Variants in RPS6KA2 observed in about 807,000 individuals in gnomAD.
RPS6KA2 encodes ribosomal protein S6 kinase A2, also known as ribosomal protein S6 kinase alpha-2.
A neutral mutation model predicts 91.8 loss-of-function variants in RPS6KA2; 42 were observed. The observed-to-expected ratio is 0.46, with a 90% CI of 0.36 to 0.59. RPS6KA2 has a LOEUF of 0.59. RPS6KA2 is among the 20% of genes least tolerant of loss of function. The pLI is 0.00. For synonymous variants in RPS6KA2, 414 were observed against 393.6 expected (o/e 1.05, Z -0.61); for missense variants, 798 against 978.5 (o/e 0.82, Z 2.46).
At chr6:166,624,937 G>T (rs1203268603) in intron 1 of RPS6KA2, among the ~76,000 whole-genome samples, 1 of 152,004 alleles carries the variant, frequency 6.6e-6, no homozygotes, top group African/African-American at 2.4e-5. Flanking sequence ...TGGTTCAAGC[G>T]ATTCTCCTGC....
chr6:166,778,955 C>A (rs1227335418), intron 2 of RPS6KA2, among the ~76,000 whole-genome samples: 5 of 152,234 alleles, frequency 3.3e-5, no homozygotes, highest in Non-Finnish European at 7.3e-5. Context: ...CAGCATTCAG[C>A]TGCTTTGGAG....
chr6:166,715,145 G>T (rs186251902), intron 2 of RPS6KA2, among the ~76,000 whole-genome samples: 1 of 152,248 alleles, frequency 6.6e-6, no homozygotes, highest in Non-Finnish European at 1.5e-5. Context: ...AGGCCCCAGA[G>T]ACTGCAGAGC....
rs948529157 is a variant in RPS6KA2 at position 166,437,464 on chromosome 6, T to C, written c.1333-4974A>G. Among the ~76,000 whole-genome samples the C allele has an allele frequency of 1.3e-5, 2 of 152,186 alleles. No individual in the cohort carries two copies. Among genetic ancestry groups the C allele is most frequent in the African/African-American group, 4.8e-5 (2 of 41,444 alleles). On this transcript the variant is annotated intron_variant, in intron 14 of 20. Coordinates refer to ENST00000265678, the MANE Select transcript of RPS6KA2 (RefSeq NM_021135.6). This position sits in a 1 kb window ranked among gnomAD's most constrained non-coding sequence, Gnocchi z 4.3. ...GCGCCACGGAGTAGGAGTGGTGTCG[T>C]GGGGCGGGGGACAAGCTCGCTCAGC... is the stretch of plus-strand genomic sequence containing the variant.
intron 1 of RPS6KA2, among the ~76,000 whole-genome samples, chr6:166,559,982 A>T (rs894999569): frequency 6.6e-6 from 1 of 152,224 alleles, no homozygotes; most frequent in South Asian, 2.1e-4. Context: ...AGGAAAACAT[A>T]CACATGTGAA....
At chr6:166,833,678 T>G (rs1341727009) in intron 2 of RPS6KA2, among the ~76,000 whole-genome samples, 1 of 152,190 alleles carries the variant, frequency 6.6e-6, no homozygotes, top group Non-Finnish European at 1.5e-5. Flanking sequence ...GTACTTGTGT[T>G]GCTGCAGTCA....
chr6:166,618,526 G>A (rs1005310273), intron 1 of RPS6KA2, among the ~76,000 whole-genome samples: 20 of 152,316 alleles, frequency 1.3e-4, no homozygotes, highest in African/African-American at 3.8e-4. Flanking sequence ...GGAGGTCAGC[G>A]TGGGCAGGGG....
At chr6:166,566,163 G>C (rs1160667039) in intron 1 of RPS6KA2, among the ~76,000 whole-genome samples, 1 of 152,210 alleles carries the variant, frequency 6.6e-6, no homozygotes, top group African/African-American at 2.4e-5. Context: ...CTACTCCCGG[G>C]CTCCTGGGAC....
chr6:166,753,160 C>T (rs532593847), intron 2 of RPS6KA2, among the ~76,000 whole-genome samples: 1 of 152,276 alleles, frequency 6.6e-6, no homozygotes, highest in South Asian at 2.1e-4. Context: ...AGATGTAGGG[C>T]TCCATCTATC....
rs117864642 is a variant in RPS6KA2 at position 166,668,112 on chromosome 6, G to A, written c.124-129328C>T. 2.0e-5 allele frequency among the ~76,000 whole-genome samples: 3 copies of A among 152,354 alleles called. No homozygotes were observed. In the East Asian group the frequency reaches 5.8e-4, roughly 29 times the overall value. ...ACAATGCCAGGTTCCTGGAGAGCTG[G>A]AGTGACACAAACGAGCAGGAACAGG... On this transcript the variant is annotated intron_variant, in intron 2 of 21. Coordinates refer to the RPS6KA2 transcript ENST00000503859.
intron 2 of RPS6KA2, among the ~76,000 whole-genome samples, chr6:166,831,490 C>A (rs151022562): frequency 2.6e-5 from 4 of 152,004 alleles, no homozygotes; most frequent in Non-Finnish European, 5.9e-5. Flanking sequence ...GCTGTAAGGG[C>A]AGTGAGGACC....
chr6:166,517,450 GTTTTGTTTTTTTTTTTTT>G (rs1782686903), intron 3 of RPS6KA2, among the ~76,000 whole-genome samples: 2 of 83,800 alleles, frequency 2.4e-5, no homozygotes, highest in African/African-American at 1.3e-4. Flanking sequence ...GCGTTCTTTT[GTTTTGTTTTTTTTTTTTT>G]TTTTTTTTTT....
At chr6:166,761,918 G>T (rs2128603374) in intron 2 of RPS6KA2, among the ~76,000 whole-genome samples, 1 of 152,320 alleles carries the variant, frequency 6.6e-6, no homozygotes, top group East Asian at 1.9e-4. Flanking sequence ...CGAGAACAAA[G>T]AGCCCAGGGA....
At chr6:166,773,830 C>T (rs976230328) in intron 2 of RPS6KA2, among the ~76,000 whole-genome samples, 1 of 152,152 alleles carries the variant, frequency 6.6e-6, no homozygotes, top group Non-Finnish European at 1.5e-5. Flanking sequence ...AAAAAAACTA[C>T]CGTTGAGATG....
chr6:166,482,024 C>T (rs992425804), intron 10 of RPS6KA2, among the ~76,000 whole-genome samples: 3 of 142,378 alleles, frequency 2.1e-5, no homozygotes, highest in East Asian at 2.1e-4. Context: ...TGTGCTGCAG[C>T]TTGGAGAGCT....
At chr6:166,826,633 G>C (rs539667371) in intron 2 of RPS6KA2, among the ~76,000 whole-genome samples, 42 of 152,310 alleles carry the variant, frequency 2.8e-4, no homozygotes, top group African/African-American at 9.4e-4. Flanking sequence ...CCTGAATTAA[G>C]CTAGGCTTAC....
chr6:166,476,138 C>G (rs533935396), intron 10 of RPS6KA2, among the ~76,000 whole-genome samples: 1 of 152,138 alleles, frequency 6.6e-6, no homozygotes. Flanking sequence ...CAGACCCACA[C>G]GGAGGAGAAG....
chr6:166,533,339 G>A lies in RPS6KA2; in HGVS notation c.217-2026C>T, dbSNP rs1049335741. On this transcript the variant is annotated intron_variant, in intron 2 of 20. Coordinates refer to ENST00000265678, the MANE Select transcript of RPS6KA2 (RefSeq NM_021135.6). This position sits in a 1 kb window ranked among gnomAD's most constrained non-coding sequence, Gnocchi z 4.0. ...AGGACAGTGCAGGGAGGAGGCAGGCGCAGCCCAGGAGTCCAGGAGCTGGGC... is the reference window on the plus strand; with the variant it reads ...AGGACAGTGCAGGGAGGAGGCAGGCACAGCCCAGGAGTCCAGGAGCTGGGC... 6.6e-5 allele frequency among the ~76,000 whole-genome samples: 10 copies of A among 152,244 alleles called. No individual in the cohort carries two copies. The highest frequency in any genetic ancestry group is 2.2e-4 in the African/African-American group (9 of 41,454).
At chr6:166,696,795 C>A (rs1370600447) in intron 2 of RPS6KA2, among the ~76,000 whole-genome samples, 2 of 152,226 alleles carry the variant, frequency 1.3e-5, no homozygotes, top group African/African-American at 2.4e-5. Context: ...CCCTTCCCGC[C>A]TGGCCACCTT....
Position 166,459,608 on chromosome 6 carries a change from AAC to A in RPS6KA2, c.973-59_973-58del, listed in dbSNP as rs1463989719. The A allele has an allele frequency of 7.8e-7, 1 of 1,276,818 alleles. No homozygotes were observed. The highest frequency in any genetic ancestry group is 1.1e-6 in the Non-Finnish European group (1 of 883,754). 79.1% of individuals were successfully genotyped at this position (1,276,818 alleles called of 1,614,324 possible). The stretch of plus-strand genomic sequence containing the variant: ...TGAGGATGCACAGACATTGCCACAG[AAC>A]ACTGGGGACAGAGAAACCTGCTGTG... On this transcript the variant is annotated intron_variant, in intron 11 of 20. Coordinates refer to ENST00000265678, the MANE Select transcript of RPS6KA2 (RefSeq NM_021135.6). The surrounding 1 kb of genome is among the most constrained non-coding windows in gnomAD (Gnocchi z 4.9).
Sources: allele counts gnomAD v4.1 joint callset (sites outside exome capture counted in the v4.1 genomes callset), GRCh38; gene constraint gnomAD v4.1.1; non-coding constraint Gnocchi (gnomAD v3.1); transcripts MANE v1.5; gene names NCBI Gene and HGNC (gene_info 2026-07-23, HGNC 2026-07-21).